TRIM46: variants seen among roughly 807,000 people sequenced by gnomAD.
TRIM46 encodes tripartite motif-containing protein 46.
A neutral mutation model predicts 69.7 loss-of-function variants in TRIM46; 17 were observed. That is an observed-to-expected ratio of 0.24 (90% CI 0.17 to 0.37). TRIM46 has a LOEUF of 0.37. Ranked by LOEUF, TRIM46 falls within the 10% of genes least tolerant of loss-of-function variation. The pLI is 1.00. For missense variants in TRIM46, 675 were observed against 1,025.1 expected (o/e 0.66, Z 4.66); for synonymous variants, 391 against 429.0 (o/e 0.91, Z 1.09).
rs1665625479 is a variant in TRIM46, at chr1:155,175,969, A to T, written c.407A>T (p.Asp136Val). ...IMFPCPACQG[D>V]VELGERGLAG... ...TTCCCGTGCCCAGCCTGCCAAGGTG[A>T]TGTGGAGCTTGGGGAGCGGGGTCTG... The change falls in exon 3 of 10, where the codon GAT (aspartate) becomes GTT (valine). Residue 136 changes from aspartate (D) to valine (V), a missense_variant. Physicochemically the swap from Asp to Val is radical, Grantham distance 152. Around this residue, in one of 5 missense-constraint regions of TRIM46, gnomAD observed 170 missense variants for 255.6 expected, o/e 0.67. Transcript: ENST00000334634. The surrounding 1 kb of genome is among the most constrained non-coding windows in gnomAD (Gnocchi z 4.2). The T allele has an allele frequency of 6.2e-7, 1 of 1,612,564 alleles. No homozygotes were observed. The highest frequency in any genetic ancestry group is 1.7e-5 in the Admixed American group (1 of 59,936).
At chr1:155,180,948 T>G (rs755704185) in intron 8 of TRIM46, among the ~76,000 whole-genome samples, 11 of 146,274 alleles carry the variant, frequency 7.5e-5, no homozygotes, top group Non-Finnish European at 1.1e-4. Flanking sequence ...AAATAAATTA[T>G]TTTTGGCTGG....
intron 6 of TRIM46, 60 bp from the exon 7 acceptor site, chr1:155,178,432 T>A: frequency 1.2e-6 from 2 of 1,609,014 alleles, no homozygotes; most frequent in South Asian, 2.2e-5. Flanking sequence ...CAAGACAGAA[T>A]TGAGGGGAAG....
chr1:155,178,324 C>T (rs183401065), intron 6 of TRIM46, 69 bp downstream of exon 6: 2 of 1,559,922 alleles, frequency 1.3e-6, no homozygotes, highest in East Asian at 2.3e-5. Context: ...AGGACAATGT[C>T]TACAGTACTG....
chr1:155,177,355 G>T, intron 5 of TRIM46, 65 bp downstream of exon 5: 1 of 1,385,244 alleles, frequency 7.2e-7, no homozygotes, highest in Non-Finnish European at 1.0e-6. Context: ...AGGGGGTGTG[G>T]GTGATCATGA....
intron 7 of TRIM46, 184 bp downstream of exon 7, chr1:155,178,797 CTTTG>C: frequency 1.3e-6 from 2 of 1,506,684 alleles, no homozygotes; most frequent in Non-Finnish European, 1.8e-6. Flanking sequence ...TTCTCCCTCT[CTTTG>C]TTTGTAGGCT....
At chr1:155,177,397 C>T (rs1234734922) in intron 5 of TRIM46, 107 bp downstream of exon 5, 9 of 972,030 alleles carry the variant, frequency 9.3e-6, no homozygotes, top group East Asian at 2.5e-5. Context: ...TCAGGAAGCC[C>T]GTGAGGTGTC....
chr1:155,181,929 C>A lies in TRIM46; in HGVS notation c.1666C>A (p.Arg556=). Residue 556 remains arginine (R), a synonymous_variant, in exon 9 of 10, where the codon CGG becomes AGG. Transcript: ENST00000334634. This position sits in a 1 kb window ranked among gnomAD's most constrained non-coding sequence, Gnocchi z 4.3. ...TATCAGCAAGGACCAGCGAGCAGTA[C>A]GGAGTGTTCCAGGGCTGCCCCTGCT... ...LAISKDQRAV[R]SVPGLPLLLA... The A allele has an allele frequency of 5.6e-6, 9 of 1,614,068 alleles. No individual in the cohort carries two copies. Among genetic ancestry groups the A allele is most frequent in the Non-Finnish European group, 7.6e-6 (9 of 1,180,040 alleles).
chr1:155,183,205 T>C (rs556367498), intron 9 of TRIM46, among the ~76,000 whole-genome samples: 14 of 152,228 alleles, frequency 9.2e-5, no homozygotes, highest in Admixed American at 2.6e-4. Flanking sequence ...CCACTGTGCC[T>C]GGCCCCAACT....
At position 155,181,708 on chromosome 1, in the gene TRIM46, T is replaced by G; in HGVS notation, c.1589-144T>G. ...TCATGCCCCCCATTCCAGTTTCCCA[T>G]GTCCTGTTCTCCTGAACCCCCTGCC... is the stretch of plus-strand genomic sequence containing the variant. On this transcript the variant is annotated intron_variant, in intron 8 of 9. Coordinates refer to ENST00000334634, the MANE Select transcript of TRIM46 (RefSeq NM_025058.5). This position sits in a 1 kb window ranked among gnomAD's most constrained non-coding sequence, Gnocchi z 4.3. The G allele has an allele frequency of 7.6e-6, 5 of 655,728 alleles. No homozygotes were observed. The highest frequency in any genetic ancestry group is 3.0e-5 in the Admixed American group (1 of 33,100). The allele number at this position is 655,728 out of a possible 1,614,324, so 40.6% of individuals were successfully genotyped here.
chr1:155,178,739 T>TGGCGC, intron 7 of TRIM46, 126 bp downstream of exon 7: 1 of 1,348,472 alleles, frequency 7.4e-7, no homozygotes, highest in Non-Finnish European at 1.0e-6. Flanking sequence ...CAGCCATTCC[T>TGGCGC]CCCACCCAGC....
chr1:155,174,640 AG>A (rs1557807268), intron 1 of TRIM46: 3 of 1,523,978 alleles, frequency 2.0e-6, no homozygotes, highest in African/African-American at 2.8e-5. Flanking sequence ...AGAGGGACCA[AG>A]GTGAGGTGTG....
Position 155,175,355 on chromosome 1 carries a change from G to T in TRIM46, c.64-31G>T. On this transcript the variant is annotated intron_variant, in intron 1 of 9. Transcript: ENST00000334634. This position sits in a 1 kb window ranked among gnomAD's most constrained non-coding sequence, Gnocchi z 4.2. ...TGCTGAGGTATGCCTAAGTGTCCAA[G>T]CGCTGACCTAGCCTCCTGGTCCCTC... 1 of 1,612,034 alleles carries T rather than the reference G, an allele frequency of 6.2e-7. No homozygotes were observed. The highest frequency in any genetic ancestry group is 2.2e-5 in the East Asian group (1 of 44,874).
At chr1:155,178,742 C>T (rs1286440008) in intron 7 of TRIM46, 129 bp downstream of exon 7, 6 of 784,926 alleles carry the variant, frequency 7.6e-6, no homozygotes, top group Admixed American at 2.0e-5. Context: ...CCATTCCTCC[C>T]ACCCAGCCCA....
intron 7 of TRIM46, chr1:155,178,961 C>T (rs1186313191): frequency 1.2e-5 from 9 of 751,506 alleles, no homozygotes; most frequent in African/African-American, 3.6e-5. Context: ...TCCTGCCTTG[C>T]CCCGACCTCG....
In TRIM46 at chr1:155,175,274, T is replaced by C; in HGVS notation, c.64-112T>C. The stretch of plus-strand genomic sequence containing the variant: ...GCAGGTGCTCTGGAAAAGCTGCAGG[T>C]AGCTTGTCTTGCTCCTTCCTCAGAC... On this transcript the variant is annotated intron_variant, in intron 1 of 9. Coordinates refer to ENST00000334634, the MANE Select transcript of TRIM46 (RefSeq NM_025058.5). The surrounding 1 kb of genome is among the most constrained non-coding windows in gnomAD (Gnocchi z 4.2). 6.4e-7 allele frequency: 1 copy of C among 1,552,580 alleles called. No individual in the cohort carries two copies. Among genetic ancestry groups the C allele is most frequent in the Non-Finnish European group, 8.6e-7 (1 of 1,157,694 alleles).
In TRIM46 at chr1:155,183,986, C is replaced by T. The variant is rs1410715194; in HGVS notation, c.2076C>T (p.Gly692=). The change falls in exon 10 of 10, where the codon GGC becomes GGT. Residue 692 remains glycine (G), a synonymous_variant. Coordinates refer to ENST00000334634, the MANE Select transcript of TRIM46 (RefSeq NM_025058.5). ...CAGTGCCCCTGCCACCCCGCCTGGG[C>T]ATCTGCCTGGACTATGAGCGGGGCC... ...GCTVPLPPRL[G]ICLDYERGRV... The T allele has an allele frequency of 6.2e-7, 1 of 1,614,124 alleles. No individual in the cohort carries two copies.
chr1:155,173,900 A>G lies in TRIM46; in HGVS notation c.-67A>G, dbSNP rs1665390734. 6.6e-7 allele frequency: 1 copy of G among 1,508,434 alleles called. No individual in the cohort carries two copies. The allele number at this position is 1,508,434 out of a possible 1,614,324, so 93.4% of individuals were successfully genotyped here. ...CCTCACACCCCCACTGGGCTCCTGC[A>G]TTAAGCCCGGGGTTCGCAGCCGCAG... On this transcript the variant is annotated 5_prime_UTR_variant, in exon 1 of 10. Coordinates refer to ENST00000334634, the MANE Select transcript of TRIM46 (RefSeq NM_025058.5).
chr1:155,177,937 A>G, intron 5 of TRIM46, 65 bp from the exon 6 acceptor site: 1 of 1,574,292 alleles, frequency 6.4e-7, no homozygotes. Flanking sequence ...GGAGGCCAGC[A>G]CAAGTGCTGC....
At chr1:155,180,349 C>CT in intron 8 of TRIM46, 1 of 312,920 alleles carries the variant, frequency 3.2e-6, no homozygotes, top group Non-Finnish European at 5.8e-6. Flanking sequence ...GTAATCCCAG[C>CT]ACTTTGGGAG....
Sources: gnomAD v4.1 joint callset for allele counts (sites outside exome capture counted in the v4.1 genomes callset) on GRCh38, gnomAD v4.1.1 for gene constraint, gnomAD v4.1.1 regional missense constraint, Gnocchi (gnomAD v3.1) non-coding constraint, MANE v1.5 for transcripts, NCBI Gene and HGNC (gene_info 2026-07-23, HGNC 2026-07-21) for gene names.